Variants in FANCI observed in about 807,000 individuals in gnomAD.
FANCI encodes the protein Fanconi anemia group I protein.
A neutral mutation model predicts 176.1 loss-of-function variants in FANCI; 156 were observed. The observed-to-expected ratio is 0.89, with a 90% confidence interval of 0.78 to 1.01. FANCI has a LOEUF of 1.01. Ranked by LOEUF, FANCI falls within the 50% of genes least tolerant of loss-of-function variation. The pLI is 0.00. For missense variants in FANCI, 1,678 were observed against 1,534.1 expected (o/e 1.09, Z -1.57); for synonymous variants, 613 against 541.7 (o/e 1.13, Z -1.83).
intron 18 of FANCI, among the ~76,000 whole-genome samples, chr15:89,288,147 T>C (rs889925880): frequency 1.3e-5 from 2 of 152,220 alleles, no homozygotes; most frequent in Admixed American, 6.5e-5. Context: ...CCATATTCTG[T>C]ATAAACCACA....
At position 89,260,810 on chromosome 15, in the gene FANCI, AGC is replaced by A; in HGVS notation, c.257_258del (p.Ala86ValfsTer2). The A allele has an allele frequency of 6.2e-7, 1 of 1,614,018 alleles. No homozygotes were observed. The highest frequency in any genetic ancestry group is 1.6e-4 in the Middle Eastern group (1 of 6,062). Reference sequence around the variant, plus strand: ...AATCGGGGGATTTGCAGAAAGAAATAGCGTCTGAGATCATAGGATTACTGATG... The same window carrying A: ...AATCGGGGGATTTGCAGAAAGAAATAGTCTGAGATCATAGGATTACTGATG... The part of the protein sequence containing the change: ...VESGDLQKEI[A>X]SEIIGLLMLE... On this transcript the variant is annotated frameshift_variant, in exon 4 of 38. Transcript: ENST00000310775. LOFTEE classifies it high-confidence loss of function.
intron 27 of FANCI, among the ~76,000 whole-genome samples, chr15:89,302,319 C>T (rs1268750985): frequency 1.3e-5 from 2 of 152,088 alleles, no homozygotes; most frequent in Admixed American, 6.5e-5. Context: ...CATCCCAGTT[C>T]CAAACAGCTC....
intron 25 of FANCI, 38 bp downstream of exon 25, chr15:89,300,004 G>A: frequency 6.2e-7 from 1 of 1,609,476 alleles, no homozygotes; most frequent in Non-Finnish European, 8.5e-7. Context: ...CTTGATTTAG[G>A]TTTCTCCTTA....
chr15:89,314,283 T>G (rs561174957), intron 35 of FANCI, among the ~76,000 whole-genome samples: 1 of 152,080 alleles, frequency 6.6e-6, no homozygotes, highest in East Asian at 1.9e-4. Context: ...AACAAGGAAA[T>G]AGAGCTAGGG....
intron 9 of FANCI, among the ~76,000 whole-genome samples, chr15:89,265,203 T>G (rs1218583202): frequency 6.6e-6 from 1 of 152,122 alleles, no homozygotes; most frequent in East Asian, 1.9e-4. Context: ...TGGGTTTTTT[T>G]TGTTTCATTT....
At chr15:89,308,235 A>T in intron 34 of FANCI, 1 of 963,630 alleles carries the variant, frequency 1.0e-6, no homozygotes, top group Non-Finnish European at 1.2e-6. Flanking sequence ...TGTTCTGTGC[A>T]TTTTGGGATG....
intron 2 of FANCI, among the ~76,000 whole-genome samples, chr15:89,254,882 A>G (rs1293790515): frequency 1.3e-5 from 2 of 152,198 alleles, no homozygotes; most frequent in Non-Finnish European, 2.9e-5. Flanking sequence ...CAGGAGTTGG[A>G]AAATCATTCC....
intron 12 of FANCI, among the ~76,000 whole-genome samples, chr15:89,276,216 A>G (rs2053406180): frequency 6.6e-6 from 1 of 152,198 alleles, no homozygotes; most frequent in Non-Finnish European, 1.5e-5. Context: ...TATGCTGTTG[A>G]TACCAGATCA....
intron 13 of FANCI, among the ~76,000 whole-genome samples, chr15:89,277,352 A>C (rs1446239550): frequency 1.3e-5 from 2 of 152,180 alleles, no homozygotes; most frequent in Non-Finnish European, 2.9e-5. Context: ...ATGGTGGCTC[A>C]AGCCTATAAT....
At chr15:89,303,937 C>T (rs776967105) in intron 28 of FANCI, 22 bp downstream of exon 28, 2 of 1,611,402 alleles carry the variant, frequency 1.2e-6, no homozygotes. Flanking sequence ...GCCATGTTTT[C>T]CTAAAGGCTT....
At chr15:89,313,314 C>G (rs1041254542) in intron 35 of FANCI, among the ~76,000 whole-genome samples, 6 of 152,086 alleles carry the variant, frequency 3.9e-5, no homozygotes, top group Non-Finnish European at 5.9e-5. Flanking sequence ...ACAGCTCTAT[C>G]AAGCTGTTAG....
intron 2 of FANCI, among the ~76,000 whole-genome samples, chr15:89,257,872 A>T (rs2052562635): frequency 6.6e-6 from 1 of 152,138 alleles, no homozygotes; most frequent in Admixed American, 6.5e-5. Context: ...CTCATTCTCC[A>T]CACAAGGAGC....
chr15:89,284,979 T>TG, intron 17 of FANCI, 117 bp from the exon 18 acceptor site: 1 of 1,134,576 alleles, frequency 8.8e-7, no homozygotes, highest in East Asian at 2.4e-5. Flanking sequence ...GTCTCACCCC[T>TG]GGGGTTTGGC....
In FANCI at chr15:89,264,589, AG is replaced by A; in HGVS notation, c.739del (p.Glu247AsnfsTer39). On this transcript the variant is annotated frameshift_variant, in exon 9 of 38. Coordinates refer to ENST00000310775, the MANE Select transcript of FANCI (RefSeq NM_001113378.2). LOFTEE classifies it high-confidence loss of function. ...FFSALDKQHN[E>X]EQSGDELLDV... ...AGTGCACTAGATAAGCAGCACAATG[AG>A]GAACAGAGTGGTGACGAGTGAGTAA... is the stretch of plus-strand genomic sequence containing the variant. 3 of 1,613,454 alleles carry A rather than the reference AG, an allele frequency of 1.9e-6. No individual in the cohort carries two copies. The highest frequency in any genetic ancestry group is 2.5e-6 in the Non-Finnish European group (3 of 1,179,514).
At chr15:89,246,932 AT>A (rs889480646) in intron 1 of FANCI, among the ~76,000 whole-genome samples, 3 of 149,646 alleles carry the variant, frequency 2.0e-5, no homozygotes, top group Admixed American at 6.7e-5. Context: ...CGCCCAGCTA[AT>A]TTTTTTTTGT....
downstream of FANCI, chr15:89,317,231 G>A: frequency 1.4e-6 from 1 of 720,206 alleles, no homozygotes; most frequent in South Asian, 1.6e-5. Flanking sequence ...TGGACACAGG[G>A]CACCTTATAA....
chr15:89,255,730 CCTT>C (rs1302212218), intron 2 of FANCI, among the ~76,000 whole-genome samples: 2 of 152,144 alleles, frequency 1.3e-5, no homozygotes, highest in Non-Finnish European at 2.9e-5. Flanking sequence ...AATTTTAAAG[CCTT>C]CTGAGGTAAC....
rs116413423 is a variant in FANCI at position 89,278,001 on chromosome 15, C to T, written c.1294-686C>T. On this transcript the variant is annotated intron_variant, in intron 13 of 37. Coordinates refer to ENST00000310775, the MANE Select transcript of FANCI (RefSeq NM_001113378.2). ...GTATTTGATGATATAAATTACCCTG[C>T]TTAACAGTGATATTGTTAAAGACAT... Among the ~76,000 whole-genome samples, 1,036 of 152,232 alleles carry T rather than the reference C, an allele frequency of 6.8e-3. 16 individuals carry two copies. The highest frequency in any genetic ancestry group is 0.024 in the African/African-American group (990 of 41,540).
chr15:89,257,855 C>G (rs949961077), intron 2 of FANCI, among the ~76,000 whole-genome samples: 1 of 152,126 alleles, frequency 6.6e-6, no homozygotes, highest in African/African-American at 2.4e-5. Flanking sequence ...CTCTTAAACC[C>G]CCATAACTCA....
Sources: gnomAD v4.1 joint callset for allele counts (sites outside exome capture counted in the v4.1 genomes callset) on GRCh38, gnomAD v4.1.1 for gene constraint, MANE v1.5 for transcripts, NCBI Gene and HGNC (gene_info 2026-07-23, HGNC 2026-07-21) for gene names.